KLHL7: variants seen among roughly 807,000 people sequenced by gnomAD.
KLHL7 encodes the protein kelch like family member 7.
In KLHL7, 44 loss-of-function variants were observed where a neutral mutation model predicts 67.4. The ratio of observed to expected loss-of-function variants is 0.65; its 90% CI spans 0.51 to 0.84. The LOEUF is 0.84. KLHL7 is among the 40% of genes least tolerant of loss of function. The probability of loss-of-function intolerance (pLI) is 0.00; values close to 1 mark genes in which losing one functional copy is unlikely to be tolerated. For missense variants in KLHL7, 362 were observed against 718.1 expected (o/e 0.50, Z 5.67); for synonymous variants, 252 against 243.3 (o/e 1.04, Z -0.33).
intron 1 of KLHL7, among the ~76,000 whole-genome samples, chr7:23,108,328 AGG>A (rs1782729490): frequency 6.6e-6 from 1 of 152,226 alleles, no homozygotes; most frequent in African/African-American, 2.4e-5. Flanking sequence ...TAGAGGCAAA[AGG>A]GGATTCTGCA....
At chr7:23,129,133 A>C (rs1458661220) in intron 4 of KLHL7, 2 of 162,340 alleles carry the variant, frequency 1.2e-5, no homozygotes, top group Admixed American at 6.5e-5. Flanking sequence ...AGGTCAGACG[A>C]AAGCCCTACA....
At chr7:23,152,799 C>T (rs1039369332) in intron 7 of KLHL7, among the ~76,000 whole-genome samples, 18 of 152,218 alleles carry the variant, frequency 1.2e-4, no homozygotes, top group East Asian at 5.8e-4. Context: ...AACCTTAAGA[C>T]GGTCCACTCA....
intron 7 of KLHL7, among the ~76,000 whole-genome samples, 188 bp from the exon 8 acceptor site, chr7:23,165,510 G>A (rs115871111): frequency 0.012 from 1,774 of 152,162 alleles, 42 homozygotes; most frequent in African/African-American, 0.041. Flanking sequence ...TTTGCCCTCC[G>A]CCCCATCTAA....
chr7:23,168,081 A>G (rs376760169), intron 9 of KLHL7, 44 bp downstream of exon 9: 4 of 1,564,992 alleles, frequency 2.6e-6, no homozygotes, highest in African/African-American at 2.7e-5. Context: ...ACTGTATTCT[A>G]TAAGCTCTGT....
chr7:23,120,719 A>G (rs534761531), intron 1 of KLHL7, among the ~76,000 whole-genome samples: 1 of 152,274 alleles, frequency 6.6e-6, no homozygotes, highest in East Asian at 1.9e-4. Flanking sequence ...GGCATGTGCC[A>G]TCACACCTGG....
chr7:23,124,625 G>A (rs767872605), intron 2 of KLHL7, 63 bp from the exon 3 acceptor site: 33 of 963,282 alleles, frequency 3.4e-5, no homozygotes, highest in South Asian at 6.4e-5. Flanking sequence ...CTGGAATGCC[G>A]TGGTTCCTCA....
At chr7:23,173,433 A>T (rs112988905) in intron 10 of KLHL7, among the ~76,000 whole-genome samples, 2,689 of 152,340 alleles carry the variant, frequency 0.018, 62 homozygotes, top group African/African-American at 0.055. Flanking sequence ...AGTTTCCTAA[A>T]TATTTTTAAA....
At chr7:23,140,212 A>G (rs1784128169) in intron 4 of KLHL7, among the ~76,000 whole-genome samples, 2 of 152,238 alleles carry the variant, frequency 1.3e-5, no homozygotes, top group Non-Finnish European at 2.9e-5. Flanking sequence ...AATGTTTAAC[A>G]ATAGCCAAGA....
At chr7:23,117,825 T>C (rs772573804) in intron 1 of KLHL7, 33 of 1,602,200 alleles carry the variant, frequency 2.1e-5, no homozygotes, top group Middle Eastern at 3.3e-4. Context: ...TTTCCCTTTA[T>C]GTTTTCAGTG....
intron 1 of KLHL7, among the ~76,000 whole-genome samples, chr7:23,118,750 CTTT>C (rs763019318): frequency 6.6e-6 from 1 of 151,182 alleles, no homozygotes; most frequent in Non-Finnish European, 1.5e-5. Context: ...ATTTCCTAGA[CTTT>C]TTTTTTAAGA....
rs1314390126 is a variant in KLHL7, at chr7:23,174,947, T to C, written c.*649T>C. On this transcript the variant is annotated 3_prime_UTR_variant, in exon 11 of 11. Coordinates refer to ENST00000339077, the MANE Select transcript of KLHL7 (RefSeq NM_001031710.3). ...TTAAATATATTCCATCTTTTTAACA[T>C]AAAATGTAAAGCTTAGCACCCATCA... The C allele has an allele frequency of 4.4e-6, 2 of 453,648 alleles. No homozygotes were observed. The highest frequency in any genetic ancestry group is 4.4e-6 in the Non-Finnish European group (1 of 226,460). The allele number at this position is 453,648 out of a possible 1,614,324, so 28.1% of individuals were successfully genotyped here. A position where few individuals can be genotyped will look rare whatever the true frequency, so the allele number is the denominator to read the frequency against.
intron 4 of KLHL7, among the ~76,000 whole-genome samples, chr7:23,128,090 G>A (rs1011635307): frequency 1.3e-5 from 2 of 150,132 alleles, no homozygotes; most frequent in African/African-American, 2.5e-5. Flanking sequence ...CCGAGATTGC[G>A]CCACTGCACT....
At chr7:23,114,945 T>G (rs1394094497) in intron 1 of KLHL7, among the ~76,000 whole-genome samples, 1 of 152,206 alleles carries the variant, frequency 6.6e-6, no homozygotes, top group African/African-American at 2.4e-5. Context: ...ATGATTAAAT[T>G]CCAACATCTA....
At position 23,174,385 on chromosome 7, in the gene KLHL7, T is replaced by C; in HGVS notation, c.*87T>C. ...AGGAGTTTGGTGACAAAGTTTTGGT[T>C]TGGTGTTTTGGTAAAGAAAGTTTCA... On this transcript the variant is annotated 3_prime_UTR_variant, in exon 11 of 11. Transcript: ENST00000339077. 1 of 1,394,918 alleles carries C rather than the reference T, an allele frequency of 7.2e-7. No individual in the cohort carries two copies. The highest frequency in any genetic ancestry group is 1.0e-6 in the Non-Finnish European group (1 of 986,938). 86.4% of individuals were successfully genotyped at this position (1,394,918 alleles called of 1,614,324 possible).
chr7:23,154,184 T>C (rs989207223), intron 7 of KLHL7, among the ~76,000 whole-genome samples: 22 of 152,190 alleles, frequency 1.4e-4, no homozygotes, highest in African/African-American at 4.8e-4. Flanking sequence ...TGAAACTCCG[T>C]CTCTACTAAA....
chr7:23,161,977 G>T (rs1784866356), intron 7 of KLHL7, among the ~76,000 whole-genome samples: 1 of 152,208 alleles, frequency 6.6e-6, no homozygotes, highest in African/African-American at 2.4e-5. Context: ...AAGATACGGA[G>T]ATTGTGCAGG....
intron 9 of KLHL7, 31 bp from the exon 10 acceptor site, chr7:23,172,917 A>G: frequency 3.3e-6 from 5 of 1,500,848 alleles, no homozygotes; most frequent in Non-Finnish European, 4.6e-6. Context: ...CTTCCTGTAA[A>G]CAAGCACACT....
chr7:23,155,786 A>C (rs898024493), intron 7 of KLHL7, among the ~76,000 whole-genome samples: 1 of 152,236 alleles, frequency 6.6e-6, no homozygotes, highest in Admixed American at 6.5e-5. Flanking sequence ...TTAAAAAGCA[A>C]TTAAGCCAAG....
chr7:23,163,314 G>A (rs551226209), intron 7 of KLHL7, among the ~76,000 whole-genome samples: 2 of 152,148 alleles, frequency 1.3e-5, no homozygotes, highest in East Asian at 1.9e-4. Flanking sequence ...GGGATTACAC[G>A]TGCCTGCCAC....
Sources: gnomAD v4.1 joint callset for allele counts (sites outside exome capture counted in the v4.1 genomes callset) on GRCh38, gnomAD v4.1.1 for gene constraint, MANE v1.5 for transcripts, NCBI Gene and HGNC (gene_info 2026-07-23, HGNC 2026-07-21) for gene names.